The following RNF13 variants were observed in gnomAD, a reference collection of about 807,000 sequenced individuals.
RNF13 encodes E3 ubiquitin-protein ligase RNF13.
A neutral mutation model predicts 37.7 loss-of-function variants in RNF13; 19 were observed. The observed-to-expected ratio is 0.50, with a 90% CI of 0.35 to 0.74. The LOEUF (loss-of-function observed/expected upper bound fraction) is 0.74. RNF13 is among the 30% of genes least tolerant of loss of function. The pLI is 0.01. For synonymous variants in RNF13, 144 were observed against 157.8 expected (o/e 0.91, Z 0.65); for missense variants, 375 against 453.0 (o/e 0.83, Z 1.56).
chr3:149,850,002 T>C (rs1164996112), intron 2 of RNF13, among the ~76,000 whole-genome samples: 2 of 151,436 alleles, frequency 1.3e-5, no homozygotes, highest in Admixed American at 6.6e-5. Flanking sequence ...TTTTTTGAGA[T>C]GGAGTCTTGC....
chr3:149,886,095 C>T (rs1446774543), intron 4 of RNF13, among the ~76,000 whole-genome samples: 1 of 152,054 alleles, frequency 6.6e-6, no homozygotes, highest in Non-Finnish European at 1.5e-5. Context: ...TTCTGTGTAT[C>T]TTTTTATGCC....
intron 8 of RNF13, among the ~76,000 whole-genome samples, chr3:149,936,858 G>GT (rs1438320976): frequency 6.6e-6 from 1 of 152,030 alleles, no homozygotes; most frequent in African/African-American, 2.4e-5. Flanking sequence ...GGTCTTTCAG[G>GT]TGTCGTTTGT....
chr3:149,904,678 C>T (rs539260687), intron 6 of RNF13, among the ~76,000 whole-genome samples: 1 of 152,260 alleles, frequency 6.6e-6, no homozygotes, highest in Admixed American at 6.5e-5. Flanking sequence ...AACTCTGAGT[C>T]AAAATCAGTG....
intron 1 of RNF13, among the ~76,000 whole-genome samples, chr3:149,830,677 A>G (rs1278274476): frequency 6.7e-6 from 1 of 148,172 alleles, no homozygotes; most frequent in Non-Finnish European, 1.5e-5. Flanking sequence ...GAAAAGAAAA[A>G]CCCATTTTCT....
rs1320163338 is a variant in RNF13 at position 149,855,080 on chromosome 3, T to C, written c.195+2484T>C. 2.0e-5 allele frequency among the ~76,000 whole-genome samples: 3 copies of C among 152,172 alleles called. No homozygotes were observed. The East Asian group carries it at 5.8e-4, about 29-fold the overall frequency. ...GGCTCACATCTGCAGTCCCAGCACT[T>C]TGGGAGGCCAAGGTGGGTAGATCAC... On this transcript the variant is annotated intron_variant, in intron 3 of 9. Transcript: ENST00000392894.
intron 6 of RNF13, among the ~76,000 whole-genome samples, chr3:149,905,637 T>C (rs1160477854): frequency 6.6e-6 from 1 of 152,100 alleles, no homozygotes; most frequent in African/African-American, 2.4e-5. Flanking sequence ...TCCTGTGTTA[T>C]AGAGGAATTC....
intron 1 of RNF13, among the ~76,000 whole-genome samples, chr3:149,827,408 T>C (rs139000765): frequency 2.3e-3 from 344 of 152,274 alleles, no homozygotes; most frequent in South Asian, 7.3e-3. Context: ...ATATATAAAC[T>C]ATATATAAAC....
chr3:149,957,210 G>T (rs1721947645), intron 8 of RNF13, among the ~76,000 whole-genome samples: 1 of 152,130 alleles, frequency 6.6e-6, no homozygotes, highest in Non-Finnish European at 1.5e-5. Flanking sequence ...GAATCCACTG[G>T]CTGGATTTCC....
intron 6 of RNF13, among the ~76,000 whole-genome samples, chr3:149,908,151 A>G (rs1459807147): frequency 2.0e-5 from 3 of 152,198 alleles, no homozygotes; most frequent in Non-Finnish European, 2.9e-5. Context: ...AAAAACTTAA[A>G]TTCTAGAAGC....
At chr3:149,846,983 A>G (rs1372246344) in intron 2 of RNF13, among the ~76,000 whole-genome samples, 1 of 152,168 alleles carries the variant, frequency 6.6e-6, no homozygotes, top group East Asian at 1.9e-4. Context: ...TCTCTTAGCT[A>G]CTGTCTTACT....
chr3:149,852,231 A>G (rs1376667583), intron 2 of RNF13, among the ~76,000 whole-genome samples: 1 of 152,168 alleles, frequency 6.6e-6, no homozygotes, highest in African/African-American at 2.4e-5. Context: ...ATTCCTTGCT[A>G]GGAAATTGTC....
chr3:149,941,092 G>A (rs936652185), intron 8 of RNF13, among the ~76,000 whole-genome samples: 78 of 151,948 alleles, frequency 5.1e-4, no homozygotes, highest in African/African-American at 1.8e-3. Flanking sequence ...TTTTCCATTC[G>A]TTGTCAATAG....
intron 8 of RNF13, among the ~76,000 whole-genome samples, chr3:149,935,415 T>C (rs1719577229): frequency 6.6e-6 from 1 of 152,162 alleles, no homozygotes. Context: ...CATTTTGTTG[T>C]TTGTTTTCTG....
chr3:149,943,810 CTTT>C (rs539953675), intron 8 of RNF13, among the ~76,000 whole-genome samples: 1 of 146,306 alleles, frequency 6.8e-6, no homozygotes, highest in Non-Finnish European at 1.5e-5. Context: ...GTTCTTTTGT[CTTT>C]TTTTTTTTAT....
chr3:149,937,856 G>A (rs1028140267), intron 8 of RNF13, among the ~76,000 whole-genome samples: 2 of 151,970 alleles, frequency 1.3e-5, no homozygotes, highest in South Asian at 2.1e-4. Flanking sequence ...TGGTCTCTCC[G>A]TGGATGAATG....
intron 9 of RNF13, among the ~76,000 whole-genome samples, chr3:149,960,410 T>C (rs1722279193): frequency 6.6e-6 from 1 of 151,988 alleles, no homozygotes; most frequent in African/African-American, 2.4e-5. Flanking sequence ...GCTTACACAG[T>C]GAAACCCCGT....
chr3:149,857,964 C>A (rs892755382), intron 3 of RNF13, among the ~76,000 whole-genome samples: 1 of 152,040 alleles, frequency 6.6e-6, no homozygotes, highest in Non-Finnish European at 1.5e-5. Context: ...GGGGCAGATC[C>A]CTCATGAATT....
chr3:149,914,177 C>T (rs893713601), intron 7 of RNF13, among the ~76,000 whole-genome samples: 1 of 152,000 alleles, frequency 6.6e-6, no homozygotes, highest in East Asian at 1.9e-4. Flanking sequence ...TTTGATTCAA[C>T]GCTATCCCTT....
intron 1 of RNF13, among the ~76,000 whole-genome samples, chr3:149,835,242 CTT>C (rs1345392634): frequency 1.3e-5 from 2 of 152,096 alleles, no homozygotes; most frequent in East Asian, 3.8e-4. Context: ...AGAGAAAATA[CTT>C]TTCAATCATA....
Sources: gnomAD v4.1 joint callset for allele counts (sites outside exome capture counted in the v4.1 genomes callset) on GRCh38, gnomAD v4.1.1 for gene constraint, MANE v1.5 for transcripts, NCBI Gene and HGNC (gene_info 2026-07-23, HGNC 2026-07-21) for gene names.